PHLPP1: variants seen among roughly 807,000 people sequenced by gnomAD.
PHLPP1 encodes the protein PH domain leucine-rich repeat-containing protein phosphatase 1.
PHLPP1 carries 42 observed loss-of-function variants against 117.2 expected under a neutral mutation model. The observed-to-expected ratio is 0.36, with a 90% CI of 0.28 to 0.46. The LOEUF (loss-of-function observed/expected upper bound fraction) is 0.46. Among genes scored for constraint, PHLPP1 ranks in the 20% least tolerant of loss-of-function variants. The pLI is 1.00. For synonymous variants in PHLPP1, 1,042 were observed against 970.7 expected, an observed-to-expected ratio of 1.07 and a Z score of -1.37; for missense variants, 2,084 against 2,241.9, an observed-to-expected ratio of 0.93 and a Z score of 1.42.
At chr18:62,737,382 AAGCAAGTCAAGTGG>A (rs1379561339) in intron 1 of PHLPP1, among the ~76,000 whole-genome samples, 1 of 152,188 alleles carries the variant, frequency 6.6e-6, no homozygotes, top group Admixed American at 6.5e-5. Flanking sequence ...TTGACTCGAT[AAGCAAGTCAAGTGG>A]AGAATGACAT....
intron 1 of PHLPP1, among the ~76,000 whole-genome samples, chr18:62,737,463 G>T (rs539480491): frequency 6.6e-6 from 1 of 152,172 alleles, no homozygotes; most frequent in South Asian, 2.1e-4. Flanking sequence ...ATAGATTGGC[G>T]AGGGACTAAC....
intron 10 of PHLPP1, among the ~76,000 whole-genome samples, chr18:62,930,299 T>C (rs1909769829): frequency 6.6e-6 from 1 of 152,172 alleles, no homozygotes; most frequent in African/African-American, 2.4e-5. Context: ...TATCAGTACA[T>C]GTGCTTGAAC....
At chr18:62,721,062 G>T (rs973648537) in intron 1 of PHLPP1, among the ~76,000 whole-genome samples, 2 of 152,136 alleles carry the variant, frequency 1.3e-5, no homozygotes, top group Admixed American at 6.5e-5. Context: ...ATTTACACTT[G>T]AATTTTTCCC....
intron 1 of PHLPP1, among the ~76,000 whole-genome samples, chr18:62,717,939 T>G (rs1347959291): frequency 1.3e-5 from 2 of 152,238 alleles, no homozygotes; most frequent in Non-Finnish European, 2.9e-5. Context: ...TCTTCCAGCC[T>G]TTATGGTCAG....
intron 1 of PHLPP1, among the ~76,000 whole-genome samples, chr18:62,827,507 C>T (rs1914642182): frequency 6.6e-6 from 1 of 152,166 alleles, no homozygotes; most frequent in African/African-American, 2.4e-5. Context: ...GTATATATTA[C>T]CTCATTCATC....
intron 1 of PHLPP1, among the ~76,000 whole-genome samples, chr18:62,810,014 G>A (rs531041087): frequency 2.7e-4 from 41 of 152,310 alleles, no homozygotes; most frequent in African/African-American, 9.9e-4. Flanking sequence ...GTCCATCTTC[G>A]TGGTTTTTAA....
chr18:62,924,483 T>C (rs1909565028), intron 10 of PHLPP1, among the ~76,000 whole-genome samples: 1 of 151,818 alleles, frequency 6.6e-6, no homozygotes, highest in Non-Finnish European at 1.5e-5. Context: ...TTTCCTTTGC[T>C]CTGAATTTTG....
At chr18:62,881,150 G>C (rs185760190) in intron 4 of PHLPP1, among the ~76,000 whole-genome samples, 1 of 152,132 alleles carries the variant, frequency 6.6e-6, no homozygotes. Context: ...ACACTGATGC[G>C]TGGGAATTGC....
intron 3 of PHLPP1, among the ~76,000 whole-genome samples, chr18:62,841,331 CTTTTTTT>C (rs1048275193): frequency 7.8e-6 from 1 of 128,558 alleles, no homozygotes; most frequent in Non-Finnish European, 1.7e-5. Context: ...TTCTTTCTCT[CTTTTTTT>C]TTTTTTTTTT....
chr18:62,866,049 T>C (rs1915762161), intron 4 of PHLPP1, among the ~76,000 whole-genome samples: 1 of 152,102 alleles, frequency 6.6e-6, no homozygotes, highest in Non-Finnish European at 1.5e-5. Flanking sequence ...TTAAAAAAAA[T>C]TCATCCAACC....
chr18:62,868,850 G>A (rs571514474), intron 4 of PHLPP1, among the ~76,000 whole-genome samples: 5 of 152,238 alleles, frequency 3.3e-5, no homozygotes, highest in African/African-American at 7.2e-5. Context: ...TACCCAGATG[G>A]ACTTCTGGAA....
intron 4 of PHLPP1, among the ~76,000 whole-genome samples, chr18:62,891,764 G>A (rs1212514772): frequency 1.3e-5 from 2 of 148,940 alleles, no homozygotes; most frequent in Admixed American, 1.3e-4. Context: ...TTGGTGGTGC[G>A]TGCCTGTAGT....
intron 4 of PHLPP1, among the ~76,000 whole-genome samples, chr18:62,872,215 A>G (rs1203305347): frequency 6.6e-6 from 1 of 152,250 alleles, no homozygotes; most frequent in Non-Finnish European, 1.5e-5. Context: ...TGAACCCAGA[A>G]GAAATTGTGG....
intron 4 of PHLPP1, among the ~76,000 whole-genome samples, chr18:62,872,251 A>G (rs185867348): frequency 1.6e-3 from 239 of 152,330 alleles, no homozygotes; most frequent in African/African-American, 5.6e-3. Context: ...ATATGGGGAG[A>G]CCAAAGGAAG....
intron 1 of PHLPP1, among the ~76,000 whole-genome samples, chr18:62,824,573 T>C (rs1451804552): frequency 6.6e-6 from 1 of 152,222 alleles, no homozygotes; most frequent in African/African-American, 2.4e-5. Context: ...TTCATGTGTG[T>C]AGATACATCA....
At chr18:62,863,913 ACCCAGC>A (rs1915698149) in intron 4 of PHLPP1, among the ~76,000 whole-genome samples, 1 of 152,016 alleles carries the variant, frequency 6.6e-6, no homozygotes, top group Non-Finnish European at 1.5e-5. Context: ...ACCTTATTTT[ACCCAGC>A]CCCTATTCAA....
intron 9 of PHLPP1, among the ~76,000 whole-genome samples, chr18:62,916,174 G>C (rs535440108): frequency 6.6e-6 from 1 of 152,006 alleles, no homozygotes; most frequent in Non-Finnish European, 1.5e-5. Flanking sequence ...CCAAGTGACT[G>C]TTGAGCACCT....
At chr18:62,734,764 C>G (rs925063483) in intron 1 of PHLPP1, among the ~76,000 whole-genome samples, 1 of 152,184 alleles carries the variant, frequency 6.6e-6, no homozygotes, top group Admixed American at 6.5e-5. Flanking sequence ...CACCTATTTG[C>G]CCTCTGTGAA....
chr18:62,893,566 C>A (rs1196976786), intron 4 of PHLPP1, among the ~76,000 whole-genome samples: 1 of 152,126 alleles, frequency 6.6e-6, no homozygotes, highest in Non-Finnish European at 1.5e-5. Context: ...CATTTAGAAT[C>A]AACTTTTATT....
Sources: allele counts gnomAD v4.1 joint callset (sites outside exome capture counted in the v4.1 genomes callset), GRCh38; gene constraint gnomAD v4.1.1; transcripts MANE v1.5; gene names NCBI Gene and HGNC (gene_info 2026-07-23, HGNC 2026-07-21).